Variants in PHYHIPL observed in about 807,000 individuals in gnomAD.
PHYHIPL encodes the protein phytanoyl-CoA hydroxylase-interacting protein-like.
In PHYHIPL, 9 loss-of-function variants were observed where a neutral mutation model predicts 33.4. The ratio of observed to expected loss-of-function variants is 0.27; its 90% confidence interval spans 0.16 to 0.47. The LOEUF is 0.47. Among genes scored for constraint, PHYHIPL ranks in the 20% least tolerant of loss-of-function variants. The pLI is 0.99. For synonymous variants in PHYHIPL, 153 were observed against 154.1 expected (o/e 0.99, Z 0.05); for missense variants, 365 against 460.7 (o/e 0.79, Z 1.90).
intron 1 of PHYHIPL, among the ~76,000 whole-genome samples, chr10:59,212,409 C>A (rs897459394): frequency 6.6e-6 from 1 of 152,160 alleles, no homozygotes; most frequent in African/African-American, 2.4e-5. Context: ...TCATAATGAA[C>A]TGTAATCTCA....
intron 1 of PHYHIPL, among the ~76,000 whole-genome samples, chr10:59,230,457 A>C (rs1840047093): frequency 6.6e-6 from 1 of 152,036 alleles, no homozygotes; most frequent in African/African-American, 2.4e-5. Context: ...TCAAGCAATC[A>C]GCCCGCCTCA....
chr10:59,206,739 T>C (rs1270859521), intron 1 of PHYHIPL: 3 of 1,187,458 alleles, frequency 2.5e-6, no homozygotes, highest in Non-Finnish European at 3.2e-6. Flanking sequence ...TATGCATTTC[T>C]TTTTTATTTT....
At chr10:59,210,391 A>G (rs1256212946) in intron 1 of PHYHIPL, among the ~76,000 whole-genome samples, 1 of 152,260 alleles carries the variant, frequency 6.6e-6, no homozygotes, top group East Asian at 1.9e-4. Flanking sequence ...ATCTCAAGCC[A>G]GTTAGAATGG....
intron 1 of PHYHIPL, among the ~76,000 whole-genome samples, chr10:59,213,646 A>G (rs570531767): frequency 1.3e-5 from 2 of 152,320 alleles, no homozygotes; most frequent in African/African-American, 4.8e-5. Context: ...AATGTACAGC[A>G]AAGAGCCAAG....
At chr10:59,238,791 C>A in intron 4 of PHYHIPL, 86 bp downstream of exon 4, 2 of 696,978 alleles carry the variant, frequency 2.9e-6, no homozygotes, top group Non-Finnish European at 4.7e-6. Context: ...CTAGTTTTGT[C>A]GAATAGCAAT....
At chr10:59,231,300 T>C (rs1388441732) in intron 1 of PHYHIPL, among the ~76,000 whole-genome samples, 1 of 152,038 alleles carries the variant, frequency 6.6e-6, no homozygotes, top group African/African-American at 2.4e-5. Flanking sequence ...AAAAATCATT[T>C]TTAAATTTGC....
chr10:59,244,648 A>AATC lies in PHYHIPL; in HGVS notation c.597-408_597-406dup, dbSNP rs769560984. Among the ~76,000 whole-genome samples, 21 of 150,938 alleles carry AATC rather than the reference A, an allele frequency of 1.4e-4. 1 individual carries two copies. The highest frequency in any genetic ancestry group is 8.6e-4 in the Admixed American group (13 of 15,070). Reference sequence around the variant, plus strand: ...ATGGACAGCACTCATTTTATGACTAAATCTATCATGCTTTAAAGAAACATT... The same window carrying AATC: ...ATGGACAGCACTCATTTTATGACTAAATCATCTATCATGCTTTAAAGAAACATT... On this transcript the variant is annotated intron_variant, in intron 4 of 4. Transcript: ENST00000373880.
chr10:59,245,855 TTA>T lies in PHYHIPL; in HGVS notation c.*266_*267del, dbSNP rs1298367438. On this transcript the variant is annotated 3_prime_UTR_variant, in exon 5 of 5. Coordinates refer to ENST00000373880, the MANE Select transcript of PHYHIPL (RefSeq NM_032439.4). ...TTATTGCCTAGATGCTGCAATGTTT[TTA>T]TGTTTCCTTTATGCCAAACATAACA... 1.2e-5 allele frequency: 5 copies of T among 409,926 alleles called. No homozygotes were observed. The highest frequency in any genetic ancestry group is 2.2e-5 in the Non-Finnish European group (5 of 228,594). 25.4% of individuals were successfully genotyped at this position (409,926 alleles called of 1,614,324 possible).
In PHYHIPL at chr10:59,184,599, T is replaced by G. The variant is rs530164384; in HGVS notation, c.106+7640T>G. 8.3e-4 allele frequency among the ~76,000 whole-genome samples: 127 copies of G among 152,152 alleles called. 2 individuals carry two copies. Among genetic ancestry groups the G allele is most frequent in the Non-Finnish European group, 1.3e-3 (91 of 67,984 alleles). On this transcript the variant is annotated intron_variant, in intron 1 of 4. Transcript: ENST00000373880. ...GGGTGGTCCCCTATACCATTGCATC[T>G]GATAGGCAGTGACGGAAACAGGCCC...
At chr10:59,180,792 G>A (rs1361616519) in intron 1 of PHYHIPL, among the ~76,000 whole-genome samples, 1 of 151,950 alleles carries the variant, frequency 6.6e-6, no homozygotes, top group African/African-American at 2.4e-5. Context: ...TATGTTATTG[G>A]CATGTGGATT....
intron 4 of PHYHIPL, among the ~76,000 whole-genome samples, chr10:59,244,175 G>A (rs1283517864): frequency 6.6e-6 from 1 of 152,142 alleles, no homozygotes; most frequent in African/African-American, 2.4e-5. Context: ...CTGTGGTGGA[G>A]AATGAATGGA....
At chr10:59,177,462 G>A (rs754649043) in intron 1 of PHYHIPL, 12 of 1,530,614 alleles carry the variant, frequency 7.8e-6, no homozygotes, top group African/African-American at 5.5e-5. Context: ...TTAGCCTCTT[G>A]GATTGGGATT....
intron 2 of PHYHIPL, among the ~76,000 whole-genome samples, chr10:59,235,654 G>A (rs10082363): frequency 2.6e-5 from 4 of 151,722 alleles, no homozygotes; most frequent in East Asian, 3.9e-4. Flanking sequence ...GCTGACATTT[G>A]CCTTGTTGAT....
intron 1 of PHYHIPL, among the ~76,000 whole-genome samples, chr10:59,216,508 C>G (rs2436567): frequency 0.99 from 150,332 of 152,170 alleles, 74,283 homozygotes; most frequent in Middle Eastern, 1. Flanking sequence ...ACTGCTTCAG[C>G]GGAGTAAGGT....
intron 1 of PHYHIPL, among the ~76,000 whole-genome samples, chr10:59,202,317 T>G (rs1368294878): frequency 6.6e-6 from 1 of 152,000 alleles, no homozygotes; most frequent in Admixed American, 6.6e-5. Flanking sequence ...AACAAACACA[T>G]GTACCCCAGA....
chr10:59,208,246 G>A (rs970888765), intron 1 of PHYHIPL, among the ~76,000 whole-genome samples: 2 of 152,222 alleles, frequency 1.3e-5, no homozygotes, highest in South Asian at 4.1e-4. Flanking sequence ...AATCTTTGCT[G>A]TTCTGCAGCC....
intron 1 of PHYHIPL, chr10:59,177,678 C>T (rs1838290631): frequency 6.5e-7 from 1 of 1,527,282 alleles, no homozygotes; most frequent in African/African-American, 1.4e-5. Context: ...TTGGCAGGCT[C>T]CTGTGGAAGG....
At chr10:59,234,195 T>G in intron 1 of PHYHIPL, 109 bp from the exon 2 acceptor site, 1 of 821,950 alleles carries the variant, frequency 1.2e-6, no homozygotes, top group South Asian at 2.0e-5. Flanking sequence ...GTAAAGATGA[T>G]AAGGAGTAAG....
chr10:59,213,387 C>G (rs1265945235), intron 1 of PHYHIPL, among the ~76,000 whole-genome samples: 2 of 152,144 alleles, frequency 1.3e-5, no homozygotes, highest in African/African-American at 2.4e-5. Context: ...CCAAATCATT[C>G]TGCTGCATTG....
Sources: gnomAD v4.1 joint callset for allele counts (sites outside exome capture counted in the v4.1 genomes callset) on GRCh38, gnomAD v4.1.1 for gene constraint, MANE v1.5 for transcripts, NCBI Gene and HGNC (gene_info 2026-07-23, HGNC 2026-07-21) for gene names.